The following SEZ6L variants were observed in gnomAD, a reference collection of about 807,000 sequenced individuals.
SEZ6L encodes seizure 6-like protein.
A neutral mutation model predicts 106.2 loss-of-function variants in SEZ6L; 37 were observed. That is an observed-to-expected ratio of 0.35 (90% CI 0.27 to 0.46). The LOEUF is 0.46. Among genes scored for constraint, SEZ6L ranks in the 20% least tolerant of loss-of-function variants. The pLI is 1.00. For synonymous variants in SEZ6L, 541 were observed against 570.4 expected (o/e 0.95, Z 0.73); for missense variants, 1,172 against 1,332.8 (o/e 0.88, Z 1.88).
At chr22:26,281,915 C>T (rs889269258) in intron 1 of SEZ6L, among the ~76,000 whole-genome samples, 8 of 152,182 alleles carry the variant, frequency 5.3e-5, no homozygotes, top group African/African-American at 1.4e-4. Context: ...TCTCCTCTTC[C>T]GTGCATAGAT....
At chr22:26,255,076 C>G (rs1390657466) in intron 1 of SEZ6L, among the ~76,000 whole-genome samples, 1 of 152,178 alleles carries the variant, frequency 6.6e-6, no homozygotes, top group African/African-American at 2.4e-5. Flanking sequence ...TTAGAATTCT[C>G]TCTTTTTAAA....
At chr22:26,294,559 G>A in intron 3 of SEZ6L, 134 bp downstream of exon 3, 5 of 833,914 alleles carry the variant, frequency 6.0e-6, no homozygotes, top group East Asian at 2.5e-5. Flanking sequence ...CTTTAGCTGG[G>A]TTTTGGCGAA....
At chr22:26,367,341 T>G (rs1246414154) in intron 13 of SEZ6L, among the ~76,000 whole-genome samples, 2 of 151,834 alleles carry the variant, frequency 1.3e-5, no homozygotes, top group African/African-American at 2.4e-5. Context: ...GTTTGTTTGT[T>G]TTTGTTTGTT....
chr22:26,364,347 A>T (rs1311273112), intron 12 of SEZ6L, among the ~76,000 whole-genome samples: 2 of 146,758 alleles, frequency 1.4e-5, no homozygotes, highest in East Asian at 4.2e-4. Flanking sequence ...ACACCTTGGG[A>T]GGCTGTGGCA....
chr22:26,283,866 A>T (rs1419643839), intron 1 of SEZ6L, among the ~76,000 whole-genome samples: 1 of 152,182 alleles, frequency 6.6e-6, no homozygotes, highest in Non-Finnish European at 1.5e-5. Context: ...TCTATTCTTT[A>T]AGATGAAGGT....
intron 11 of SEZ6L, among the ~76,000 whole-genome samples, chr22:26,348,646 A>AAAAGAAAGAAGAAAG (rs2083124030): frequency 1.3e-4 from 1 of 7,696 alleles, no homozygotes; most frequent in African/African-American, 7.9e-4. Context: ...GAAAGAAAGA[A>AAAAGAAAGAAGAAAG]AAAGAAAGAA....
chr22:26,285,959 T>C (rs1399989493), intron 1 of SEZ6L, among the ~76,000 whole-genome samples: 1 of 152,226 alleles, frequency 6.6e-6, no homozygotes, highest in Non-Finnish European at 1.5e-5. Context: ...AGGAGCCTTT[T>C]GATCTTTAAG....
intron 1 of SEZ6L, among the ~76,000 whole-genome samples, chr22:26,228,087 G>A (rs971022843): frequency 2.6e-5 from 4 of 152,196 alleles, no homozygotes; most frequent in Non-Finnish European, 4.4e-5. Flanking sequence ...CTTCCATGAA[G>A]CAGCTAAGTG....
At chr22:26,324,679 T>C (rs1419667807) in intron 9 of SEZ6L, among the ~76,000 whole-genome samples, 1 of 152,192 alleles carries the variant, frequency 6.6e-6, no homozygotes, top group Non-Finnish European at 1.5e-5. Flanking sequence ...TCAGATCTTC[T>C]GGCCCATTAG....
At chr22:26,271,658 C>T (rs775336042) in intron 1 of SEZ6L, among the ~76,000 whole-genome samples, 7 of 152,220 alleles carry the variant, frequency 4.6e-5, no homozygotes, top group Non-Finnish European at 1.0e-4. Context: ...CTGTTCTTGC[C>T]GTGTGATGTG....
At chr22:26,197,924 G>T (rs1236884169) in intron 1 of SEZ6L, among the ~76,000 whole-genome samples, 3 of 152,150 alleles carry the variant, frequency 2.0e-5, no homozygotes, top group Non-Finnish European at 4.4e-5. Context: ...TCCTTTACTT[G>T]CATGGAATTC....
In SEZ6L at chr22:26,347,895, C is replaced by G; in HGVS notation, c.2389C>G (p.Pro797Ala). 6.4e-7 allele frequency: 1 copy of G among 1,571,362 alleles called. No individual in the cohort carries two copies. The highest frequency in any genetic ancestry group is 8.6e-7 in the Non-Finnish European group (1 of 1,165,602). The change falls in exon 11 of 17, where the codon CCC becomes GCC. Residue 797 changes from proline (P) to alanine (A), a missense_variant. Physicochemically the swap from Pro to Ala is conservative, Grantham distance 27. Around this residue, in one of 4 missense-constraint regions of SEZ6L, gnomAD observed 534 missense variants for 691.0 expected, o/e 0.77. Coordinates refer to ENST00000248933, the MANE Select transcript of SEZ6L (RefSeq NM_021115.5). ...CQWDLSWSSD[P>A]PFCEKIMYCT... Reference sequence around the variant, plus strand: ...GTGGGACCTCAGCTGGAGCAGCGACCCCCCATTTTGTGAGAAAAGTAAGAG... The same window carrying G: ...GTGGGACCTCAGCTGGAGCAGCGACGCCCCATTTTGTGAGAAAAGTAAGAG...
At chr22:26,324,064 CCACACACACACACACACACACA>C (rs71311560) in intron 9 of SEZ6L, among the ~76,000 whole-genome samples, 3 of 140,166 alleles carry the variant, frequency 2.1e-5, no homozygotes, top group Non-Finnish European at 4.6e-5. Flanking sequence ...CAGTTTTTAA[CCACACACACACACACACACACA>C]CACACACACA....
chr22:26,207,561 T>C (rs5752277), intron 1 of SEZ6L, among the ~76,000 whole-genome samples: 1,898 of 152,324 alleles, frequency 0.012, 42 homozygotes, highest in South Asian at 0.066. Context: ...TCTTCCATCT[T>C]AGTATTTTTT....
At chr22:26,351,312 G>A in intron 12 of SEZ6L, 69 bp downstream of exon 12, 1 of 1,477,906 alleles carries the variant, frequency 6.8e-7, no homozygotes, top group South Asian at 1.2e-5. Context: ...GTTCATGATG[G>A]AAGGCTGGGC....
At chr22:26,368,465 A>C (rs1259538107) in intron 13 of SEZ6L, among the ~76,000 whole-genome samples, 3 of 152,222 alleles carry the variant, frequency 2.0e-5, no homozygotes, top group Non-Finnish European at 4.4e-5. Flanking sequence ...ATGAACCTCA[A>C]AGCCGTTATG....
At chr22:26,218,824 C>G (rs2078372591) in intron 1 of SEZ6L, among the ~76,000 whole-genome samples, 1 of 152,056 alleles carries the variant, frequency 6.6e-6, no homozygotes, top group African/African-American at 2.4e-5. Flanking sequence ...GTAATCCCAG[C>G]TACTTGGGAG....
intron 12 of SEZ6L, among the ~76,000 whole-genome samples, chr22:26,361,859 A>G (rs951478064): frequency 6.6e-6 from 1 of 152,128 alleles, no homozygotes; most frequent in African/African-American, 2.4e-5. Context: ...TTTACTGGGC[A>G]CCTACCCTGT....
Position 26,313,882 on chromosome 22 carries a change from G to A in SEZ6L, c.1995G>A (p.Arg665=). 2 of 1,606,514 alleles carry A rather than the reference G, an allele frequency of 1.2e-6. No homozygotes were observed. Among genetic ancestry groups the A allele is most frequent in the Admixed American group, 3.3e-5 (2 of 59,924 alleles). The change falls in exon 9 of 17, where the codon CGG becomes CGA. Residue 665 remains arginine (R), a synonymous_variant. Transcript: ENST00000248933. ...IWKIHVGEEK[R]IFLDIQFLNL... ...AGATCCACGTGGGAGAAGAGAAACG[G>A]ATCTTCTTAGATATCCAGTTGTGAG...
Sources: gnomAD v4.1 joint callset for allele counts (sites outside exome capture counted in the v4.1 genomes callset) on GRCh38, gnomAD v4.1.1 for gene constraint, gnomAD v4.1.1 regional missense constraint, MANE v1.5 for transcripts, NCBI Gene and HGNC (gene_info 2026-07-23, HGNC 2026-07-21) for gene names.